Variants in RYR3 observed in about 807,000 individuals in gnomAD.
RYR3 encodes the protein brain ryanodine receptor-calcium release channel.
RYR3 carries 207 observed loss-of-function variants against 584.3 expected under a neutral mutation model. The observed-to-expected ratio is 0.35, with a 90% CI of 0.32 to 0.40. The LOEUF is 0.40. RYR3 is among the 10% of genes least tolerant of loss of function. The pLI is 1.00. For missense variants in RYR3, 5,616 were observed against 6,089.2 expected, an observed-to-expected ratio of 0.92 and a Z score of 2.59; for synonymous variants, 2,416 against 2,248.5, an observed-to-expected ratio of 1.07 and a Z score of -2.11.
intron 1 of RYR3, among the ~76,000 whole-genome samples, chr15:33,349,303 G>A (rs572420225): frequency 2.6e-5 from 4 of 152,124 alleles, no homozygotes; most frequent in East Asian, 1.9e-4. Flanking sequence ...TCCTAGGAGC[G>A]TGAATGCTAG....
At chr15:33,802,493 C>A (rs2075971362) in intron 69 of RYR3, among the ~76,000 whole-genome samples, 1 of 144,716 alleles carries the variant, frequency 6.9e-6, no homozygotes. Context: ...AAACATTTGT[C>A]CATTTCCTTT....
chr15:33,591,694 T>G (rs1336404182), intron 16 of RYR3, among the ~76,000 whole-genome samples: 1 of 152,210 alleles, frequency 6.6e-6, no homozygotes, highest in Non-Finnish European at 1.5e-5. Flanking sequence ...TTGCCATAGA[T>G]AAATATTTTT....
intron 11 of RYR3, among the ~76,000 whole-genome samples, chr15:33,564,175 G>C (rs1318273610): frequency 6.6e-6 from 1 of 152,190 alleles, no homozygotes; most frequent in Non-Finnish European, 1.5e-5. Flanking sequence ...CATAGGTTCA[G>C]CCAGGGCTTC....
intron 1 of RYR3, among the ~76,000 whole-genome samples, chr15:33,319,736 C>G (rs1234772751): frequency 6.6e-6 from 1 of 152,136 alleles, no homozygotes; most frequent in East Asian, 1.9e-4. Flanking sequence ...TCAGAGATGT[C>G]CTGAAGAAAC....
At chr15:33,526,573 G>C (rs986252399) in intron 3 of RYR3, among the ~76,000 whole-genome samples, 2 of 151,840 alleles carry the variant, frequency 1.3e-5, no homozygotes, top group East Asian at 1.9e-4. Flanking sequence ...TTTGTAGTTA[G>C]ACCTAAGTTC....
At chr15:33,504,300 A>C (rs142856125) in intron 3 of RYR3, among the ~76,000 whole-genome samples, 6 of 152,226 alleles carry the variant, frequency 3.9e-5, no homozygotes, top group Non-Finnish European at 7.3e-5. Flanking sequence ...CATATTGCCT[A>C]TGTCAGAAGG....
chr15:33,558,322 C>A (rs192464924), intron 10 of RYR3, among the ~76,000 whole-genome samples: 2 of 151,256 alleles, frequency 1.3e-5, no homozygotes, highest in African/African-American at 4.9e-5. Flanking sequence ...GTTCAATTCC[C>A]ACCTATGAGT....
At position 33,416,782 on chromosome 15, in the gene RYR3, A is replaced by C. The variant is rs569705332; in HGVS notation, c.52-56637A>C. On this transcript the variant is annotated intron_variant, in intron 1 of 103. Coordinates refer to ENST00000634891, the MANE Select transcript of RYR3 (RefSeq NM_001036.6). Reference sequence around the variant, plus strand: ...TTTTGCCTAGGCCAATGTCTGGAACAGTATTTCCTACATCTTCTTGTAGGA... The same window carrying C: ...TTTTGCCTAGGCCAATGTCTGGAACCGTATTTCCTACATCTTCTTGTAGGA... Among the ~76,000 whole-genome samples, 245 of 152,266 alleles carry C rather than the reference A, an allele frequency of 1.6e-3. 2 individuals are homozygous for C. Among genetic ancestry groups the C allele is most frequent in the Admixed American group, 3.9e-3 (59 of 15,280 alleles).
At chr15:33,598,878 C>G (rs999809509) in intron 16 of RYR3, among the ~76,000 whole-genome samples, 22 of 152,074 alleles carry the variant, frequency 1.4e-4, no homozygotes, top group African/African-American at 5.3e-4. Context: ...ACGGTGAAAC[C>G]CTGTCTCTAC....
At chr15:33,597,476 T>C (rs554165444) in intron 16 of RYR3, among the ~76,000 whole-genome samples, 33 of 151,938 alleles carry the variant, frequency 2.2e-4, no homozygotes, top group Non-Finnish European at 4.6e-4. Context: ...ATTAGCTGGG[T>C]TGTGGGCGCC....
intron 31 of RYR3, among the ~76,000 whole-genome samples, chr15:33,651,500 A>T (rs1040408894): frequency 6.6e-6 from 1 of 152,246 alleles, no homozygotes; most frequent in Non-Finnish European, 1.5e-5. Context: ...AGATTAATGC[A>T]TGCTTACAAA....
rs1489823329 is a variant in RYR3, at chr15:33,311,175, T to TGCGCC, written c.51+83_51+87dup. 9.0e-6 allele frequency: 10 copies of TGCGCC among 1,106,222 alleles called. No individual in the cohort carries two copies. In the South Asian group the frequency reaches 9.1e-5, roughly 10 times the overall value. 68.5% of individuals were successfully genotyped at this position (1,106,222 alleles called of 1,614,324 possible). On this transcript the variant is annotated intron_variant, in intron 1 of 103. Coordinates refer to ENST00000634891, the MANE Select transcript of RYR3 (RefSeq NM_001036.6). This position sits in a 1 kb window ranked among gnomAD's most constrained non-coding sequence, Gnocchi z 4.4. ...CGCGGCGAGGAGGGGCTGGCTGCGC[T>TGCGCC]GCGCCGCGGTGCCGGGTGCCCGGTG...
intron 18 of RYR3, among the ~76,000 whole-genome samples, chr15:33,608,766 C>T (rs1037757126): frequency 2.0e-5 from 3 of 152,186 alleles, no homozygotes; most frequent in Non-Finnish European, 4.4e-5. Flanking sequence ...GCAAATGTTC[C>T]AAAGGAAACG....
chr15:33,739,528 C>A (rs551885582), intron 50 of RYR3, among the ~76,000 whole-genome samples: 1 of 151,964 alleles, frequency 6.6e-6, no homozygotes, highest in Non-Finnish European at 1.5e-5. Context: ...TCTGGCCTAG[C>A]GCCTAGTCAC....
intron 60 of RYR3, among the ~76,000 whole-genome samples, chr15:33,758,419 G>A (rs1036185525): frequency 6.6e-6 from 1 of 152,148 alleles, no homozygotes; most frequent in Non-Finnish European, 1.5e-5. Context: ...CCAGCCCAAC[G>A]GTCTGAAGTC....
chr15:33,791,837 C>G (rs2075179638), intron 67 of RYR3, among the ~76,000 whole-genome samples: 1 of 151,944 alleles, frequency 6.6e-6, no homozygotes, highest in Admixed American at 6.6e-5. Context: ...AAGAGGAGGA[C>G]AGAAAATAGA....
chr15:33,328,194 T>C (rs1194908914), intron 1 of RYR3, among the ~76,000 whole-genome samples: 1 of 152,248 alleles, frequency 6.6e-6, no homozygotes, highest in Non-Finnish European at 1.5e-5. Flanking sequence ...TAAGTTTATT[T>C]GAAATCTGAC....
intron 60 of RYR3, among the ~76,000 whole-genome samples, chr15:33,762,712 A>G (rs372745441): frequency 4.3e-4 from 65 of 152,340 alleles, no homozygotes; most frequent in Middle Eastern, 3.4e-3. Context: ...TGTAGATTCA[A>G]TTTTATTCCC....
chr15:33,724,236 T>A (rs1001101358), intron 45 of RYR3, 60 bp downstream of exon 45: 59 of 898,480 alleles, frequency 6.6e-5, no homozygotes, highest in Middle Eastern at 6.5e-4. Context: ...ACACTATAGA[T>A]TTCCTGAACC....
Sources: gnomAD v4.1 joint callset for allele counts (sites outside exome capture counted in the v4.1 genomes callset) on GRCh38, gnomAD v4.1.1 for gene constraint, Gnocchi (gnomAD v3.1) non-coding constraint, MANE v1.5 for transcripts, NCBI Gene and HGNC (gene_info 2026-07-23, HGNC 2026-07-21) for gene names.